PITPNM2: variants seen among roughly 807,000 people sequenced by gnomAD.
PITPNM2 encodes membrane-associated phosphatidylinositol transfer protein 2.
A neutral mutation model predicts 132.2 loss-of-function variants in PITPNM2; 35 were observed. The observed-to-expected ratio is 0.26, with a 90% confidence interval of 0.20 to 0.35. PITPNM2 has a LOEUF of 0.35. Among genes scored for constraint, PITPNM2 ranks in the 10% least tolerant of loss-of-function variants. PITPNM2 has a pLI of 1.00. For synonymous variants in PITPNM2, 738 were observed against 799.2 expected, an observed-to-expected ratio of 0.92 and a Z score of 1.29; for missense variants, 1,332 against 1,912.0, an observed-to-expected ratio of 0.70 and a Z score of 5.66.
At chr12:123,014,708 C>CAAACA (rs950451404) in intron 3 of PITPNM2, among the ~76,000 whole-genome samples, 22 of 151,656 alleles carry the variant, frequency 1.5e-4, no homozygotes, top group African/African-American at 2.7e-4. Context: ...TCTCAAAAAA[C>CAAACA]AAACAAAACA....
At chr12:123,148,490 T>A (rs2043663446) in intron 1 of PITPNM2, among the ~76,000 whole-genome samples, 1 of 152,082 alleles carries the variant, frequency 6.6e-6, no homozygotes, top group South Asian at 2.1e-4. Context: ...TAACTGCACA[T>A]CCTCTATGAC....
intron 12 of PITPNM2, 61 bp downstream of exon 12, chr12:122,996,660 G>A (rs1298539234): frequency 6.2e-7 from 1 of 1,611,494 alleles, no homozygotes; most frequent in Non-Finnish European, 8.5e-7. Context: ...TTCCCCCTGA[G>A]GCCAGCCCGC....
chr12:123,143,753 C>T (rs1400160385), intron 1 of PITPNM2, among the ~76,000 whole-genome samples: 2 of 152,194 alleles, frequency 1.3e-5, no homozygotes, highest in African/African-American at 4.8e-5. Flanking sequence ...GAGAGATGGG[C>T]ACCATTCTGC....
chr12:123,018,298 T>C (rs12230822), intron 3 of PITPNM2, among the ~76,000 whole-genome samples: 1,612 of 39,364 alleles, frequency 0.041, 24 homozygotes, highest in South Asian at 0.23. Flanking sequence ...CTTTTCTTTT[T>C]TTTTTTTTTT....
chr12:123,109,635 C>G (rs142247939), intron 2 of PITPNM2, among the ~76,000 whole-genome samples: 3 of 152,324 alleles, frequency 2.0e-5, no homozygotes, highest in African/African-American at 7.2e-5. Flanking sequence ...CCAAAGCCAG[C>G]GAGTAGCCAG....
chr12:123,060,739 T>C (rs2041207892), intron 2 of PITPNM2, among the ~76,000 whole-genome samples: 1 of 152,016 alleles, frequency 6.6e-6, no homozygotes, highest in South Asian at 2.1e-4. Context: ...TCAGAGAGGG[T>C]TCCAGGGTCC....
At chr12:123,020,962 G>A (rs941933386) in intron 3 of PITPNM2, among the ~76,000 whole-genome samples, 2 of 143,348 alleles carry the variant, frequency 1.4e-5, no homozygotes, top group African/African-American at 5.2e-5. Context: ...CTAGGAGGCA[G>A]AGGTTGCAGT....
chr12:123,079,366 T>C (rs1487452514), intron 2 of PITPNM2, among the ~76,000 whole-genome samples: 8 of 120,858 alleles, frequency 6.6e-5, no homozygotes, highest in Non-Finnish European at 1.2e-4. Flanking sequence ...TTTTTTTTTT[T>C]TTTTTTTTTT....
chr12:123,018,786 T>TTA (rs1038017119), intron 3 of PITPNM2, among the ~76,000 whole-genome samples: 5 of 140,222 alleles, frequency 3.6e-5, no homozygotes, highest in African/African-American at 1.3e-4. Context: ...CCTTTCCTTT[T>TTA]TTTTTTTTTT....
chr12:123,108,294 G>A lies in PITPNM2; in HGVS notation c.-96+2091C>T, dbSNP rs757687886. Among the ~76,000 whole-genome samples the A allele has an allele frequency of 2.2e-4, 33 of 152,144 alleles. 1 individual carries two copies. Among genetic ancestry groups the A allele is most frequent in the Non-Finnish European group, 5.9e-5 (4 of 68,020 alleles). ...AAGTGAAGACCTTCGGATGAGGTGAGCTGCAAGGCCATGGTCTCTGCAAAG... is the reference window on the plus strand; with the variant it reads ...AAGTGAAGACCTTCGGATGAGGTGAACTGCAAGGCCATGGTCTCTGCAAAG... On this transcript the variant is annotated intron_variant, in intron 2 of 25. Coordinates refer to ENST00000320201, the MANE Select transcript of PITPNM2 (RefSeq NM_020845.3). The surrounding 1 kb of genome is among the most constrained non-coding windows in gnomAD (Gnocchi z 4.4).
At position 123,142,713 on chromosome 12, in the gene PITPNM2, C is replaced by T. The variant is rs1216270096; in HGVS notation, c.-200+8040G>A. Among the ~76,000 whole-genome samples the T allele has an allele frequency of 3.3e-5, 5 of 152,134 alleles. No individual in the cohort carries two copies. The South Asian group carries it at 6.2e-4, about 19-fold the overall frequency. On this transcript the variant is annotated intron_variant, in intron 1 of 25. Transcript: ENST00000320201. ...ATAATTGTTTCCTTACACGATAACC[C>T]GCTGAAGTGCCTCCACGTCTGGCCA...
intron 8 of PITPNM2, among the ~76,000 whole-genome samples, chr12:123,003,108 T>C (rs1356369934): frequency 6.6e-6 from 1 of 152,142 alleles, no homozygotes; most frequent in Non-Finnish European, 1.5e-5. Context: ...CCTATCTAGA[T>C]ATAATTTCAT....
chr12:123,037,821 A>G (rs2040330242), intron 2 of PITPNM2, among the ~76,000 whole-genome samples: 1 of 152,280 alleles, frequency 6.6e-6, no homozygotes, highest in South Asian at 2.1e-4. Context: ...AGCCTGAGCC[A>G]GCACCCAGAC....
At chr12:123,045,905 C>T (rs1351761689) in intron 2 of PITPNM2, among the ~76,000 whole-genome samples, 1 of 152,148 alleles carries the variant, frequency 6.6e-6, no homozygotes, top group Non-Finnish European at 1.5e-5. Context: ...GTGACTCCTT[C>T]TGCAATAGCT....
At chr12:123,041,170 C>G (rs2136533174) in intron 2 of PITPNM2, among the ~76,000 whole-genome samples, 1 of 152,252 alleles carries the variant, frequency 6.6e-6, no homozygotes, top group Admixed American at 6.5e-5. Flanking sequence ...TAAGAACCAC[C>G]CCTGCCCAGC....
chr12:123,039,160 G>A (rs1342779653), intron 2 of PITPNM2, among the ~76,000 whole-genome samples: 1 of 152,216 alleles, frequency 6.6e-6, no homozygotes, highest in Non-Finnish European at 1.5e-5. Context: ...CTGGGGAGAT[G>A]AGGTGAGAGG....
chr12:122,989,960 G>C lies in PITPNM2; in HGVS notation c.2570-12C>G, dbSNP rs1357036191. ...CGCATCGGGGGCCTCTGAGAAGCAA[G>C]AGCAATGGATGGCTCAGCCACGCGG... On this transcript the variant is annotated splice_polypyrimidine_tract_variant and intron_variant, in intron 17 of 25. Coordinates refer to ENST00000320201, the MANE Select transcript of PITPNM2 (RefSeq NM_020845.3). The C allele has an allele frequency of 9.2e-6, 12 of 1,301,768 alleles. No individual in the cohort carries two copies. Among genetic ancestry groups the C allele is most frequent in the Non-Finnish European group, 1.2e-5 (12 of 1,020,916 alleles). The allele number at this position is 1,301,768 out of a possible 1,614,324, so 80.6% of individuals were successfully genotyped here. A position where few individuals can be genotyped will look rare whatever the true frequency, so the allele number is the denominator to read the frequency against.
At position 123,127,493 on chromosome 12, in the gene PITPNM2, TA is replaced by T. The variant is rs201426050; in HGVS notation, c.-199-17006del. Among the ~76,000 whole-genome samples, 571 of 152,338 alleles carry T rather than the reference TA, an allele frequency of 3.7e-3. 14 individuals are homozygous for T. The highest frequency in any genetic ancestry group is 0.03 in the Admixed American group (457 of 15,300). Reference sequence around the variant, plus strand: ...TTTGCAACAGGCTGCCATACTGTCTTATTCTAATTAATTTTGAGTTTGTCTA... The same window carrying T: ...TTTGCAACAGGCTGCCATACTGTCTTTTCTAATTAATTTTGAGTTTGTCTA... On this transcript the variant is annotated intron_variant, in intron 1 of 25. Transcript: ENST00000320201.
In PITPNM2 at chr12:123,036,027, C is replaced by T. The variant is rs866596563; in HGVS notation, c.-95-1342G>A. Among the ~76,000 whole-genome samples the T allele has an allele frequency of 2.0e-5, 3 of 152,010 alleles. No individual in the cohort carries two copies. The highest frequency in any genetic ancestry group is 3.9e-4 in the East Asian group (2 of 5,174). On this transcript the variant is annotated intron_variant, in intron 2 of 25. Transcript: ENST00000320201. This position sits in a 1 kb window ranked among gnomAD's most constrained non-coding sequence, Gnocchi z 4.1. ...ATGCACGCCACCCACACCCGGCTAA[C>T]GGTAGTATTTTAGCAAGACTACTCC...
Sources: gnomAD v4.1 joint callset for allele counts (sites outside exome capture counted in the v4.1 genomes callset) on GRCh38, gnomAD v4.1.1 for gene constraint, Gnocchi (gnomAD v3.1) non-coding constraint, MANE v1.5 for transcripts, NCBI Gene and HGNC (gene_info 2026-07-23, HGNC 2026-07-21) for gene names.